ASTN2: variants seen among roughly 807,000 people sequenced by gnomAD.
The protein encoded by ASTN2 is astrotactin 2.
In ASTN2, 54 loss-of-function variants were observed where a neutral mutation model predicts 139.8. That is an observed-to-expected ratio of 0.39 (90% CI 0.31 to 0.48). The LOEUF is 0.48. Among genes scored for constraint, ASTN2 ranks in the 20% least tolerant of loss-of-function variants. ASTN2 has a pLI of 0.95. For synonymous variants in ASTN2, 756 were observed against 719.5 expected, an observed-to-expected ratio of 1.05 and a Z score of -0.81; for missense variants, 1,565 against 1,725.1, an observed-to-expected ratio of 0.91 and a Z score of 1.64.
intron 1 of ASTN2, among the ~76,000 whole-genome samples, chr9:117,374,125 T>A (rs946189216): frequency 6.6e-6 from 1 of 152,078 alleles, no homozygotes; most frequent in Non-Finnish European, 1.5e-5. Flanking sequence ...CATTCAATCG[T>A]CCACTTGTAA....
At chr9:117,054,905 C>A (rs871125) in intron 5 of ASTN2, among the ~76,000 whole-genome samples, 70,795 of 151,950 alleles carry the variant, frequency 0.47, 17,153 homozygotes, top group East Asian at 0.72. Flanking sequence ...TGTTCCACCT[C>A]AGATCAAGTA....
chr9:116,719,349 CACAG>C (rs1828411132), intron 16 of ASTN2, among the ~76,000 whole-genome samples: 2 of 152,130 alleles, frequency 1.3e-5, no homozygotes, highest in Middle Eastern at 3.4e-3. Flanking sequence ...CTCCCACCAC[CACAG>C]ACAAATGCAG....
At chr9:117,251,092 T>C (rs1467601179) in intron 2 of ASTN2, among the ~76,000 whole-genome samples, 1 of 152,174 alleles carries the variant, frequency 6.6e-6, no homozygotes, top group Non-Finnish European at 1.5e-5. Flanking sequence ...GAGTCAGCAC[T>C]ATGACAGCAT....
intron 13 of ASTN2, among the ~76,000 whole-genome samples, chr9:116,749,277 C>T (rs1486846490): frequency 6.6e-6 from 1 of 152,160 alleles, no homozygotes; most frequent in Non-Finnish European, 1.5e-5. Flanking sequence ...ACTCAAAAAG[C>T]TTGTTGTGAT....
chr9:117,399,411 G>A (rs545162636), intron 1 of ASTN2, among the ~76,000 whole-genome samples: 1 of 152,258 alleles, frequency 6.6e-6, no homozygotes, highest in East Asian at 1.9e-4. Flanking sequence ...ATTTAAGTGA[G>A]CAAAATTTGA....
intron 19 of ASTN2, among the ~76,000 whole-genome samples, chr9:116,533,646 C>T (rs1451675604): frequency 2.6e-5 from 4 of 152,204 alleles, no homozygotes; most frequent in South Asian, 2.1e-4. Flanking sequence ...TGGTTCTGTT[C>T]ATATGCTGGA....
chr9:117,333,849 A>C (rs1828792460), intron 1 of ASTN2, among the ~76,000 whole-genome samples: 1 of 152,146 alleles, frequency 6.6e-6, no homozygotes, highest in Non-Finnish European at 1.5e-5. Context: ...GAGAGAAACA[A>C]GGTCTCTCTG....
intron 1 of ASTN2, among the ~76,000 whole-genome samples, chr9:117,369,169 T>A (rs1737026094): frequency 6.6e-6 from 1 of 152,168 alleles, no homozygotes; most frequent in Admixed American, 6.5e-5. Context: ...TACTTGTTGT[T>A]AATTATATTA....
At chr9:117,198,586 G>A (rs1413954780) in intron 3 of ASTN2, among the ~76,000 whole-genome samples, 1 of 152,116 alleles carries the variant, frequency 6.6e-6, no homozygotes, top group Non-Finnish European at 1.5e-5. Context: ...ATTACAAATA[G>A]TGCTGCAATA....
chr9:117,339,390 C>G (rs1828991254), intron 1 of ASTN2, among the ~76,000 whole-genome samples: 1 of 152,102 alleles, frequency 6.6e-6, no homozygotes, highest in Non-Finnish European at 1.5e-5. Context: ...CAAGGTCACC[C>G]TGTCCCACTT....
intron 11 of ASTN2, among the ~76,000 whole-genome samples, chr9:116,823,682 C>G (rs1564287315): frequency 6.6e-6 from 1 of 152,188 alleles, no homozygotes; most frequent in Non-Finnish European, 1.5e-5. Flanking sequence ...CCTATAGTCT[C>G]TCTCCCCAAG....
chr9:117,180,255 G>C (rs1178525211), intron 3 of ASTN2, among the ~76,000 whole-genome samples: 1 of 152,174 alleles, frequency 6.6e-6, no homozygotes, highest in African/African-American at 2.4e-5. Flanking sequence ...GGGCCTCCCA[G>C]ATAAAGTCCC....
intron 16 of ASTN2, chr9:116,701,289 A>G (rs907182368): frequency 7.2e-5 from 12 of 166,974 alleles, no homozygotes; most frequent in African/African-American, 2.4e-4. Flanking sequence ...CATTAAAATG[A>G]TGTTGAACTA....
At position 117,328,633 on chromosome 9, in the gene ASTN2, C is replaced by A. The variant is rs143056792; in HGVS notation, c.443-37120G>T. ...TCACCACTCCTATGCCTGAGAGGGACTGCTTAGTGGCCTCATTTTTCATCC... is the reference window on the plus strand; with the variant it reads ...TCACCACTCCTATGCCTGAGAGGGAATGCTTAGTGGCCTCATTTTTCATCC... On this transcript the variant is annotated intron_variant, in intron 1 of 22. Transcript: ENST00000313400. Among the ~76,000 whole-genome samples the A allele has an allele frequency of 1.7e-3, 256 of 152,288 alleles. 1 individual carries two copies. The highest frequency in any genetic ancestry group is 5.8e-3 in the African/African-American group (239 of 41,554).
chr9:117,293,992 G>A (rs1277980347), intron 1 of ASTN2, among the ~76,000 whole-genome samples: 1 of 152,230 alleles, frequency 6.6e-6, no homozygotes, highest in East Asian at 1.9e-4. Context: ...TGAAGGCGGA[G>A]CGAGCAGAGG....
chr9:116,672,053 A>T (rs1156358001), intron 16 of ASTN2, among the ~76,000 whole-genome samples: 1 of 152,282 alleles, frequency 6.6e-6, no homozygotes. Context: ...TAAGTAACAT[A>T]AATACATAAA....
At chr9:116,999,578 T>C (rs1837133826) in intron 7 of ASTN2, among the ~76,000 whole-genome samples, 1 of 92,284 alleles carries the variant, frequency 1.1e-5, no homozygotes, top group Non-Finnish European at 2.2e-5. Context: ...TTTTTTTTTT[T>C]GGACAGAGTC....
chr9:117,099,228 C>T (rs560883409), intron 4 of ASTN2, among the ~76,000 whole-genome samples: 1 of 152,284 alleles, frequency 6.6e-6, no homozygotes, highest in East Asian at 1.9e-4. Context: ...ATCTGCCATA[C>T]TCTCTGCTAT....
At chr9:117,347,197 G>C (rs1335667508) in intron 1 of ASTN2, among the ~76,000 whole-genome samples, 1 of 152,038 alleles carries the variant, frequency 6.6e-6, no homozygotes, top group Non-Finnish European at 1.5e-5. Flanking sequence ...ATCATGAAGA[G>C]GTTGGCGGTT....
Sources: allele counts gnomAD v4.1 joint callset (sites outside exome capture counted in the v4.1 genomes callset), GRCh38; gene constraint gnomAD v4.1.1; transcripts MANE v1.5; gene names NCBI Gene and HGNC (gene_info 2026-07-23, HGNC 2026-07-21).